The following GRIN2B variants were observed in gnomAD, a reference collection of about 807,000 sequenced individuals.
GRIN2B encodes the protein glutamate receptor ionotropic, NMDA 2B.
A neutral mutation model predicts 114.5 loss-of-function variants in GRIN2B; 5 were observed. The observed-to-expected ratio is 0.04, with a 90% CI of 0.02 to 0.09. The LOEUF is 0.09. Among genes scored for constraint, GRIN2B ranks in the 10% least tolerant of loss-of-function variants. GRIN2B has a pLI of 1.00. For synonymous variants in GRIN2B, 787 were observed against 745.1 expected, an observed-to-expected ratio of 1.06 and a Z score of -0.92; for missense variants, 1,108 against 1,943.5, an observed-to-expected ratio of 0.57 and a Z score of 8.08.
chr12:13,878,677 A>G (rs1305849841), intron 2 of GRIN2B, among the ~76,000 whole-genome samples: 1 of 152,224 alleles, frequency 6.6e-6, no homozygotes, highest in African/African-American at 2.4e-5. Context: ...TGAGTCGAGT[A>G]TGGCCTCTCC....
chr12:13,774,961 C>A (rs1257565708), intron 3 of GRIN2B, among the ~76,000 whole-genome samples: 1 of 152,136 alleles, frequency 6.6e-6, no homozygotes, highest in East Asian at 1.9e-4. Context: ...CAGGAAAGTT[C>A]CCATGCAGGA....
intron 3 of GRIN2B, among the ~76,000 whole-genome samples, chr12:13,804,137 C>T (rs1864561811): frequency 6.7e-6 from 1 of 149,236 alleles, no homozygotes; most frequent in Non-Finnish European, 1.5e-5. Context: ...CTCACTGTAC[C>T]TTGTCATTTC....
rs569521636 is a variant in GRIN2B, at chr12:13,649,718, G to T, written c.1125+26027C>A. Among the ~76,000 whole-genome samples, 5 of 152,132 alleles carry T rather than the reference G, an allele frequency of 3.3e-5. No individual in the cohort carries two copies. In the South Asian group the frequency reaches 1.0e-3, roughly 32 times the overall value. On this transcript the variant is annotated intron_variant, in intron 5 of 13. Coordinates refer to ENST00000609686, the MANE Select transcript of GRIN2B (RefSeq NM_000834.5). Reference sequence around the variant, plus strand: ...ACTGTTTGGGAAAATGTCCCCAGAAGAAGCTGCTTGGAAAATAATCTGGAA... The same window carrying T: ...ACTGTTTGGGAAAATGTCCCCAGAATAAGCTGCTTGGAAAATAATCTGGAA...
chr12:13,855,239 A>G (rs1050176372), intron 3 of GRIN2B, among the ~76,000 whole-genome samples: 21 of 152,004 alleles, frequency 1.4e-4, no homozygotes, highest in Non-Finnish European at 7.4e-5. Flanking sequence ...GAGACAAAAG[A>G]GAGAAAAGAG....
intron 4 of GRIN2B, among the ~76,000 whole-genome samples, chr12:13,701,215 T>A (rs1345158700): frequency 1.3e-5 from 2 of 152,116 alleles, no homozygotes; most frequent in Non-Finnish European, 2.9e-5. Flanking sequence ...CCTTGACACA[T>A]GAGGATTATG....
intron 4 of GRIN2B, among the ~76,000 whole-genome samples, chr12:13,704,300 T>A (rs1178142270): frequency 6.6e-6 from 1 of 151,714 alleles, no homozygotes; most frequent in Non-Finnish European, 1.5e-5. Flanking sequence ...AAACTCTCAA[T>A]GAGAAAGGGA....
At chr12:13,907,740 A>G (rs1866566769) in intron 2 of GRIN2B, among the ~76,000 whole-genome samples, 3 of 152,122 alleles carry the variant, frequency 2.0e-5, no homozygotes, top group Admixed American at 2.0e-4. Flanking sequence ...ATCAAGCTGT[A>G]TATTTGAGAT....
intron 10 of GRIN2B, among the ~76,000 whole-genome samples, chr12:13,605,565 A>T (rs866125060): frequency 3.2e-4 from 43 of 134,692 alleles, no homozygotes; most frequent in African/African-American, 4.9e-4. Context: ...ACACACACAC[A>T]CACACACACA....
intron 2 of GRIN2B, among the ~76,000 whole-genome samples, chr12:13,867,590 G>C (rs1461914202): frequency 6.6e-6 from 1 of 152,130 alleles, no homozygotes; most frequent in Non-Finnish European, 1.5e-5. Context: ...TCTTTTATAT[G>C]CTGCACACTG....
At chr12:13,969,718 C>G (rs140490281) in intron 2 of GRIN2B, among the ~76,000 whole-genome samples, 1 of 152,098 alleles carries the variant, frequency 6.6e-6, no homozygotes, top group Non-Finnish European at 1.5e-5. Flanking sequence ...GTCTCAGTTG[C>G]GTAAATGCAG....
At chr12:13,581,696 A>T (rs373305577) in intron 10 of GRIN2B, among the ~76,000 whole-genome samples, 2 of 152,290 alleles carry the variant, frequency 1.3e-5, no homozygotes, top group East Asian at 3.9e-4. Context: ...GATCACCTGA[A>T]GTCAGGAGTT....
At chr12:13,806,491 T>C (rs1864602799) in intron 3 of GRIN2B, among the ~76,000 whole-genome samples, 1 of 152,214 alleles carries the variant, frequency 6.6e-6, no homozygotes, top group African/African-American at 2.4e-5. Context: ...TGAGCATTTT[T>C]CCATATACCT....
At chr12:13,921,702 A>C (rs1275098492) in intron 2 of GRIN2B, among the ~76,000 whole-genome samples, 1 of 152,182 alleles carries the variant, frequency 6.6e-6, no homozygotes, top group East Asian at 1.9e-4. Flanking sequence ...CAATGAAGTC[A>C]GAGTTTCCAT....
At chr12:13,704,503 A>G (rs11055594) in intron 4 of GRIN2B, among the ~76,000 whole-genome samples, 62,095 of 151,914 alleles carry the variant, frequency 0.41, 13,081 homozygotes, top group Non-Finnish European at 0.46. Context: ...CTGAAATAAC[A>G]CCCACAGCAT....
chr12:13,886,174 G>A (rs915212805), intron 2 of GRIN2B, among the ~76,000 whole-genome samples: 6 of 152,258 alleles, frequency 3.9e-5, no homozygotes, highest in African/African-American at 1.4e-4. Context: ...AGTTCACACC[G>A]TGTTGTAAAG....
At chr12:13,840,141 G>C (rs1057507610) in intron 3 of GRIN2B, among the ~76,000 whole-genome samples, 3 of 108,848 alleles carry the variant, frequency 2.8e-5, no homozygotes, top group Non-Finnish European at 7.3e-5. Flanking sequence ...AGTGCGTAAC[G>C]TACTGCTCTG....
chr12:13,634,737 T>C (rs1949652572), intron 5 of GRIN2B, among the ~76,000 whole-genome samples: 1 of 152,126 alleles, frequency 6.6e-6, no homozygotes, highest in African/African-American at 2.4e-5. Flanking sequence ...CTGGGCATGG[T>C]TGGGGAAGGT....
chr12:13,975,247 C>A (rs1862999525), intron 2 of GRIN2B, among the ~76,000 whole-genome samples: 1 of 152,206 alleles, frequency 6.6e-6, no homozygotes. Context: ...CTGGCGTCAA[C>A]TGATAGCTCA....
chr12:13,974,838 C>A, intron 2 of GRIN2B, among the ~76,000 whole-genome samples: 1 of 150,314 alleles, frequency 6.7e-6, no homozygotes, highest in Non-Finnish European at 1.5e-5. Context: ...AATAATTGAA[C>A]AAAGCAAAAG....
Sources: gnomAD v4.1 joint callset for allele counts (sites outside exome capture counted in the v4.1 genomes callset) on GRCh38, gnomAD v4.1.1 for gene constraint, MANE v1.5 for transcripts, NCBI Gene and HGNC (gene_info 2026-07-23, HGNC 2026-07-21) for gene names.